The following TENM3 variants were observed in gnomAD, a reference collection of about 807,000 sequenced individuals.
TENM3 encodes the protein teneurin transmembrane protein 3, also known as teneurin-3.
A neutral mutation model predicts 255.1 loss-of-function variants in TENM3; 63 were observed. That is an observed-to-expected ratio of 0.25 (90% confidence interval 0.20 to 0.30). TENM3 has a LOEUF of 0.30. Ranked by LOEUF, TENM3 falls within the 10% of genes least tolerant of loss-of-function variation. TENM3 has a pLI of 1.00. For synonymous variants in TENM3, 1,306 were observed against 1,322.3 expected (o/e 0.99, Z 0.27); for missense variants, 2,929 against 3,461.1 (o/e 0.85, Z 3.86).
chr4:181,944,787 C>T, the TENM3 span, among the ~76,000 whole-genome samples: 16 of 152,150 alleles, frequency 1.1e-4, no homozygotes, highest in Admixed American at 1.0e-3. Context: ...GCAGACAGAG[C>T]CTGGGTCCCC....
the TENM3 span, among the ~76,000 whole-genome samples, chr4:181,661,009 G>A: frequency 6.6e-6 from 1 of 152,124 alleles, no homozygotes; most frequent in African/African-American, 2.4e-5. Flanking sequence ...TGTAGTTCAA[G>A]TCATTAGAAA....
the TENM3 span, among the ~76,000 whole-genome samples, chr4:181,678,822 T>G: frequency 1.6e-5 from 2 of 126,126 alleles, no homozygotes; most frequent in Non-Finnish European, 3.3e-5. Context: ...AATGAAAAGC[T>G]TCCCAAGAAT....
At chr4:182,057,922 G>A in the TENM3 span, among the ~76,000 whole-genome samples, 476 of 152,036 alleles carry the variant, frequency 3.1e-3, 2 homozygotes, top group African/African-American at 0.011. Context: ...AGTGTTGAGG[G>A]ATAGAGCAAA....
At position 182,713,528 on chromosome 4, in the gene TENM3, A is replaced by G. The variant is rs186573055; in HGVS notation, c.2222-559A>G. On this transcript the variant is annotated intron_variant, in intron 12 of 27. Coordinates refer to ENST00000511685, the MANE Select transcript of TENM3 (RefSeq NM_001080477.4). ...GGCCTATACTTTGTGCAATTATTTAATGCACTGTAATTTCACATGAATGTA... is the reference window on the plus strand; with the variant it reads ...GGCCTATACTTTGTGCAATTATTTAGTGCACTGTAATTTCACATGAATGTA... Among the ~76,000 whole-genome samples the G allele has an allele frequency of 9.8e-5, 15 of 152,302 alleles. No individual in the cohort carries two copies. The South Asian group carries it at 1.2e-3, about 13-fold the overall frequency.
At position 182,743,377 on chromosome 4, in the gene TENM3, G is replaced by A. The variant is rs746565538; in HGVS notation, c.3587G>A (p.Arg1196Gln). The A allele has an allele frequency of 1.1e-5, 17 of 1,613,760 alleles. No individual in the cohort carries two copies. Among genetic ancestry groups the A allele is most frequent in the East Asian group, 6.7e-5 (3 of 44,874 alleles). The change falls in exon 19 of 28, where the codon CGG becomes CAG. Residue 1196 changes from arginine (R) to glutamine (Q), a missense_variant. Arg to Gln is a conservative substitution (Grantham distance 43, BLOSUM62 1). Around this residue, in one of 6 missense-constraint regions of TENM3, gnomAD observed 1,608 missense variants for 1,884.4 expected, o/e 0.85. Coordinates refer to ENST00000511685, the MANE Select transcript of TENM3 (RefSeq NM_001080477.4). ...GTAGGCGATTTCAACTATGTGCGGC[G>A]GATATTCCCTTCTGGAAATGTAACA... is the stretch of plus-strand genomic sequence containing the variant. ...LYVGDFNYVR[R>Q]IFPSGNVTSV... is the part of the protein sequence containing the mutation.
At chr4:181,467,421 C>A in the TENM3 span, among the ~76,000 whole-genome samples, 1 of 151,558 alleles carries the variant, frequency 6.6e-6, no homozygotes, top group Non-Finnish European at 1.5e-5. Flanking sequence ...AGATGTGAGC[C>A]ACCGCACCCG....
chr4:181,858,673 A>T, the TENM3 span, among the ~76,000 whole-genome samples: 1 of 152,194 alleles, frequency 6.6e-6, no homozygotes. Flanking sequence ...CAGGGGATGG[A>T]GGAGGGGAGC....
At chr4:181,563,549 C>T in the TENM3 span, among the ~76,000 whole-genome samples, 1 of 152,110 alleles carries the variant, frequency 6.6e-6, no homozygotes, top group East Asian at 1.9e-4. Context: ...ACCTGAAAAA[C>T]CTTGGAAGAT....
chr4:182,591,762 A>T (rs1746674211), intron 3 of TENM3, among the ~76,000 whole-genome samples: 1 of 152,246 alleles, frequency 6.6e-6, no homozygotes, highest in Non-Finnish European at 1.5e-5. Context: ...TTTTCTGAGT[A>T]AAATGAGGTC....
At chr4:182,731,420 A>AT (rs1195511353) in intron 16 of TENM3, among the ~76,000 whole-genome samples, 3 of 151,984 alleles carry the variant, frequency 2.0e-5, no homozygotes, top group Non-Finnish European at 2.9e-5. Flanking sequence ...AGGCAGGAGA[A>AT]TCGCTTGAAC....
the TENM3 span, among the ~76,000 whole-genome samples, chr4:181,859,187 G>A: frequency 6.9e-6 from 1 of 144,338 alleles, no homozygotes; most frequent in African/African-American, 2.6e-5. Flanking sequence ...AGGTTGCAGT[G>A]AGCCGAGATC....
intron 3 of TENM3, among the ~76,000 whole-genome samples, chr4:182,576,862 A>G (rs1301481771): frequency 1.3e-5 from 2 of 152,214 alleles, no homozygotes; most frequent in East Asian, 1.9e-4. Context: ...GCTTAAAACC[A>G]TTCCACAGCT....
At chr4:181,936,039 T>C in the TENM3 span, among the ~76,000 whole-genome samples, 3 of 152,154 alleles carry the variant, frequency 2.0e-5, no homozygotes, top group African/African-American at 7.2e-5. Context: ...TATTTGTAAA[T>C]AGATATTTAT....
At chr4:182,503,520 A>G (rs1285442070) in intron 3 of TENM3, among the ~76,000 whole-genome samples, 1 of 152,144 alleles carries the variant, frequency 6.6e-6, no homozygotes, top group Non-Finnish European at 1.5e-5. Flanking sequence ...GCCCCAAGTA[A>G]CAATCCCCAA....
At chr4:182,342,035 G>A (rs1292023441) in intron 2 of TENM3, among the ~76,000 whole-genome samples, 1 of 152,204 alleles carries the variant, frequency 6.6e-6, no homozygotes, top group Non-Finnish European at 1.5e-5. Flanking sequence ...TACACTGCTA[G>A]TGGGAATATA....
the TENM3 span, among the ~76,000 whole-genome samples, chr4:181,861,626 G>A: frequency 6.6e-6 from 1 of 151,674 alleles, no homozygotes; most frequent in Non-Finnish European, 1.5e-5. Context: ...CTAAGTCCAT[G>A]ACTTGTCAAA....
chr4:181,622,130 A>T, the TENM3 span, among the ~76,000 whole-genome samples: 11 of 152,116 alleles, frequency 7.2e-5, no homozygotes, highest in Non-Finnish European at 1.2e-4. Context: ...CAAGATAGTG[A>T]TTTCTCTGTA....
At chr4:182,547,838 T>C (rs1741598221) in intron 3 of TENM3, among the ~76,000 whole-genome samples, 1 of 152,198 alleles carries the variant, frequency 6.6e-6, no homozygotes, top group Non-Finnish European at 1.5e-5. Flanking sequence ...CTACAGATAT[T>C]AAGGCATGGA....
chr4:182,563,954 A>G (rs1743492567), intron 3 of TENM3, among the ~76,000 whole-genome samples: 1 of 152,130 alleles, frequency 6.6e-6, no homozygotes, highest in Non-Finnish European at 1.5e-5. Flanking sequence ...TCATGTTTCA[A>G]CTACCACCAG....
Sources: gnomAD v4.1 joint callset for allele counts (sites outside exome capture counted in the v4.1 genomes callset) on GRCh38, gnomAD v4.1.1 for gene constraint, gnomAD v4.1.1 regional missense constraint, MANE v1.5 for transcripts, NCBI Gene and HGNC (gene_info 2026-07-23, HGNC 2026-07-21) for gene names.